PDE5A: variants seen among roughly 807,000 people sequenced by gnomAD.
PDE5A encodes the protein phosphodiesterase 5A.
In PDE5A, 67 loss-of-function variants were observed where a neutral mutation model predicts 110.2. The ratio of observed to expected loss-of-function variants is 0.61; its 90% confidence interval spans 0.50 to 0.75. PDE5A has a LOEUF of 0.75. Among genes scored for constraint, PDE5A ranks in the 30% least tolerant of loss-of-function variants. The pLI is 0.00. For synonymous variants in PDE5A, 328 were observed against 351.2 expected, an observed-to-expected ratio of 0.93 and a Z score of 0.74; for missense variants, 862 against 1,045.1, an observed-to-expected ratio of 0.82 and a Z score of 2.42.
Position 119,627,963 on chromosome 4 carries a change from ACT to A in PDE5A, c.152+555_152+556del. 1 of 772,184 alleles carries A rather than the reference ACT, an allele frequency of 1.3e-6. No homozygotes were observed. Among genetic ancestry groups the A allele is most frequent in the Non-Finnish European group, 1.6e-6 (1 of 634,690 alleles). 47.8% of individuals were successfully genotyped at this position (772,184 alleles called of 1,614,324 possible). A position where few individuals can be genotyped will look rare whatever the true frequency, so the allele number is the denominator to read the frequency against. Reference sequence around the variant, plus strand: ...AGGAGGCGCGCGGGACAAGCAGGAGACTGGAAGGGGGGAAAAGGCAACCGCAC... The same window carrying A: ...AGGAGGCGCGCGGGACAAGCAGGAGAGGAAGGGGGGAAAAGGCAACCGCAC... On this transcript the variant is annotated intron_variant, in intron 1 of 20. Coordinates refer to ENST00000354960, the MANE Select transcript of PDE5A (RefSeq NM_001083.4). The surrounding 1 kb of genome is among the most constrained non-coding windows in gnomAD (Gnocchi z 4.6).
rs757667623 is a variant in PDE5A, at chr4:119,525,740, C to T, written c.1633-45G>A. On this transcript the variant is annotated intron_variant, in intron 11 of 20. Coordinates refer to ENST00000354960, the MANE Select transcript of PDE5A (RefSeq NM_001083.4). This position sits in a 1 kb window ranked among gnomAD's most constrained non-coding sequence, Gnocchi z 4.3. Reference sequence around the variant, plus strand: ...AAAAAAAAAATGCTGTTAATTAAAGCAGCAGTGATTTGCAAGGTTTTCTTG... The same window carrying T: ...AAAAAAAAAATGCTGTTAATTAAAGTAGCAGTGATTTGCAAGGTTTTCTTG... 1 of 1,566,082 alleles carries T rather than the reference C, an allele frequency of 6.4e-7. No individual in the cohort carries two copies. The highest frequency in any genetic ancestry group is 1.2e-5 in the South Asian group (1 of 86,190).
In PDE5A at chr4:119,627,086, C is replaced by T. The variant is rs778645686; in HGVS notation, c.152+1434G>A. 1 of 1,603,308 alleles carries T rather than the reference C, an allele frequency of 6.2e-7. No individual in the cohort carries two copies. The highest frequency in any genetic ancestry group is 1.7e-5 in the Admixed American group (1 of 58,812). ...GCCACCGGGGCGCCACCACCCAGCA[C>T]CCGAGACCCGCCGCGCCCCCGGAAA... On this transcript the variant is annotated intron_variant, in intron 1 of 20. Transcript: ENST00000354960. This position sits in a 1 kb window ranked among gnomAD's most constrained non-coding sequence, Gnocchi z 4.6.
chr4:119,557,426 C>T (rs1727581768), intron 7 of PDE5A, among the ~76,000 whole-genome samples: 1 of 152,122 alleles, frequency 6.6e-6, no homozygotes, highest in Non-Finnish European at 1.5e-5. Context: ...TGGACTAACT[C>T]ACACATCTAA....
intron 3 of PDE5A, among the ~76,000 whole-genome samples, chr4:119,584,789 TCAAA>T (rs1377939804): frequency 6.6e-6 from 1 of 152,160 alleles, no homozygotes; most frequent in Non-Finnish European, 1.5e-5. Flanking sequence ...TAGTGGATGC[TCAAA>T]CAGTGTAGCA....
At chr4:119,518,200 T>A (rs1372256940) in intron 14 of PDE5A, among the ~76,000 whole-genome samples, 1 of 152,244 alleles carries the variant, frequency 6.6e-6, no homozygotes, top group East Asian at 1.9e-4. Context: ...ATCTGCCCAT[T>A]AGTTGAATCA....
chr4:119,505,275 T>C (rs13134665), intron 17 of PDE5A, among the ~76,000 whole-genome samples: 39,987 of 151,796 alleles, frequency 0.26, 5,388 homozygotes, highest in East Asian at 0.38. Context: ...TTTTGTCTTT[T>C]TCCATTTGGT....
At chr4:119,528,097 A>G (rs1454563802) in intron 11 of PDE5A, among the ~76,000 whole-genome samples, 2 of 152,080 alleles carry the variant, frequency 1.3e-5, no homozygotes, top group Admixed American at 1.3e-4. Context: ...TAAAGATTCA[A>G]TCTGACAAAC....
chr4:119,588,755 G>A (rs969562473), intron 3 of PDE5A, among the ~76,000 whole-genome samples: 5 of 152,074 alleles, frequency 3.3e-5, no homozygotes, highest in East Asian at 1.9e-4. Flanking sequence ...ACTTGGATTC[G>A]CCAAAGTATA....
intron 2 of PDE5A, among the ~76,000 whole-genome samples, chr4:119,597,304 G>GTTTTTTTTTTT (rs33944872): frequency 2.8e-5 from 4 of 144,932 alleles, no homozygotes; most frequent in Non-Finnish European, 3.0e-5. Context: ...CTCTGTGAGG[G>GTTTTTTTTTTT]TTTTTTTTTT....
intron 1 of PDE5A, among the ~76,000 whole-genome samples, chr4:119,615,733 C>T (rs887867576): frequency 5.9e-5 from 9 of 152,146 alleles, no homozygotes; most frequent in African/African-American, 1.9e-4. Flanking sequence ...ACCACAAGTA[C>T]TAATAATCTG....
At chr4:119,517,107 T>TC (rs1450822848) in intron 14 of PDE5A, 1 of 152,244 alleles carries the variant, frequency 6.6e-6, no homozygotes, top group Non-Finnish European at 1.5e-5. Flanking sequence ...TCTTCCAAGG[T>TC]AATTTCAGGG....
intron 1 of PDE5A, among the ~76,000 whole-genome samples, chr4:119,625,332 A>T (rs1477545520): frequency 1.3e-5 from 2 of 152,168 alleles, no homozygotes; most frequent in African/African-American, 4.8e-5. Flanking sequence ...GTAGCTCTCT[A>T]CTTGAAGACA....
chr4:119,517,585 GTTTTC>G lies in PDE5A; in HGVS notation c.2000+1455_2000+1459del, dbSNP rs541600766. ...GCAGTCAATGACTTTTTCCCAGGAT[GTTTTC>G]TTTTTCTTTTTCTTTCTTTTTTTTT... On this transcript the variant is annotated intron_variant, in intron 14 of 20. Transcript: ENST00000354960. 8.9e-3 allele frequency among the ~76,000 whole-genome samples: 1,272 copies of G among 142,830 alleles called. 5 individuals carry two copies. Among genetic ancestry groups the G allele is most frequent in the Non-Finnish European group, 0.014 (889 of 65,668 alleles). The allele number at this position is 142,830 out of a possible 152,430, so 93.7% of individuals were successfully genotyped here.
At position 119,586,426 on chromosome 4, in the gene PDE5A, A is replaced by G. The variant is rs1728768573; in HGVS notation, c.831+10097T>C. Among the ~76,000 whole-genome samples the G allele has an allele frequency of 2.6e-5, 4 of 152,206 alleles. No individual in the cohort carries two copies. In the South Asian group the frequency reaches 8.3e-4, roughly 31 times the overall value. ...ATTTTTAGATAAGCATTTAACAACA[A>G]GGAATACAGGGTATTTAACACTTGA... On this transcript the variant is annotated intron_variant, in intron 3 of 20. Transcript: ENST00000354960.
rs995331367 is a variant in PDE5A at position 119,597,211 on chromosome 4, C to T, written c.742-599G>A. On this transcript the variant is annotated intron_variant, in intron 2 of 20. Coordinates refer to ENST00000354960, the MANE Select transcript of PDE5A (RefSeq NM_001083.4). Reference sequence around the variant, plus strand: ...AAAGGACTTCTGAGGTGTTAAATTTCTAAGTATGAATTAAAGAAACAAAGG... The same window carrying T: ...AAAGGACTTCTGAGGTGTTAAATTTTTAAGTATGAATTAAAGAAACAAAGG... 2.6e-5 allele frequency among the ~76,000 whole-genome samples: 4 copies of T among 151,834 alleles called. No individual in the cohort carries two copies. The South Asian group carries it at 8.3e-4, about 31-fold the overall frequency.
At chr4:119,510,946 G>T in intron 15 of PDE5A, 101 bp downstream of exon 15, 1 of 802,302 alleles carries the variant, frequency 1.2e-6, no homozygotes, top group Non-Finnish European at 2.0e-6. Context: ...TAAAGTATGT[G>T]CAAGAATTTA....
At chr4:119,561,417 TTAA>T (rs1170270430) in intron 6 of PDE5A, among the ~76,000 whole-genome samples, 2 of 152,204 alleles carry the variant, frequency 1.3e-5, no homozygotes, top group African/African-American at 4.8e-5. Context: ...GCAAAATATC[TTAA>T]TAAGCATATT....
chr4:119,624,534 G>A (rs918788245), intron 1 of PDE5A, among the ~76,000 whole-genome samples: 2 of 152,128 alleles, frequency 1.3e-5, no homozygotes, highest in Non-Finnish European at 2.9e-5. Context: ...GTCTGTTTCT[G>A]GACTTTGATC....
intron 20 of PDE5A, chr4:119,500,044 G>C (rs1362907339): frequency 6.6e-6 from 1 of 151,878 alleles, no homozygotes; most frequent in Non-Finnish European, 1.5e-5. Context: ...GTATTTACAG[G>C]GATGGAGAAA....
Sources: allele counts gnomAD v4.1 joint callset (sites outside exome capture counted in the v4.1 genomes callset), GRCh38; gene constraint gnomAD v4.1.1; non-coding constraint Gnocchi (gnomAD v3.1); transcripts MANE v1.5; gene names NCBI Gene and HGNC (gene_info 2026-07-23, HGNC 2026-07-21).